The following ARHGAP24 variants were observed in gnomAD, a reference collection of about 807,000 sequenced individuals.
The protein encoded by ARHGAP24 is rho GTPase-activating protein 24.
Under a neutral mutation model 76.4 loss-of-function variants are expected in ARHGAP24, and 50 were observed. The ratio of observed to expected loss-of-function variants is 0.65; its 90% confidence interval spans 0.52 to 0.83. ARHGAP24 has a LOEUF of 0.83. Ranked by LOEUF, ARHGAP24 falls within the 40% of genes least tolerant of loss-of-function variation. The probability of loss-of-function intolerance (pLI) is 0.00; values close to 1 mark genes in which losing one functional copy is unlikely to be tolerated. For synonymous variants in ARHGAP24, 345 were observed against 323.3 expected (o/e 1.07, Z -0.72); for missense variants, 930 against 914.2 (o/e 1.02, Z -0.22).
chr4:85,561,681 T>C (rs1340643954), intron 1 of ARHGAP24, among the ~76,000 whole-genome samples: 2 of 152,246 alleles, frequency 1.3e-5, no homozygotes, highest in Non-Finnish European at 2.9e-5. Context: ...TATATTTTTT[T>C]ACCATTTTAT....
intron 3 of ARHGAP24, among the ~76,000 whole-genome samples, chr4:85,780,081 G>A (rs1727475208): frequency 6.6e-6 from 1 of 152,116 alleles, no homozygotes; most frequent in Admixed American, 6.6e-5. Context: ...ACATATTATA[G>A]AATTTTTCTA....
At chr4:85,900,272 T>C (rs188211631) in intron 3 of ARHGAP24, among the ~76,000 whole-genome samples, 3 of 152,340 alleles carry the variant, frequency 2.0e-5, no homozygotes, top group Admixed American at 2.0e-4. Context: ...CCCACCACTA[T>C]TCAGGGAGTA....
At chr4:85,754,427 A>G (rs139314151) in intron 3 of ARHGAP24, among the ~76,000 whole-genome samples, 78 of 152,344 alleles carry the variant, frequency 5.1e-4, no homozygotes, top group African/African-American at 1.9e-3. Flanking sequence ...TGAAATTTCA[A>G]TTAGTAACTC....
chr4:85,895,371 C>T (rs978010186), intron 3 of ARHGAP24, among the ~76,000 whole-genome samples: 1 of 152,154 alleles, frequency 6.6e-6, no homozygotes, highest in African/African-American at 2.4e-5. Flanking sequence ...TTTATCTACA[C>T]TATGGCCAGT....
chr4:85,954,682 C>T (rs1737808665), intron 5 of ARHGAP24, among the ~76,000 whole-genome samples: 1 of 152,186 alleles, frequency 6.6e-6, no homozygotes. Flanking sequence ...ATTGGAAGAT[C>T]CTTGCTTGTT....
intron 2 of ARHGAP24, among the ~76,000 whole-genome samples, chr4:85,607,414 G>C (rs1018430568): frequency 4.0e-5 from 6 of 151,802 alleles, no homozygotes; most frequent in Non-Finnish European, 7.4e-5. Flanking sequence ...GAGAGAAAGA[G>C]AGAAAAAGAG....
chr4:85,875,989 G>A (rs1468039858), intron 3 of ARHGAP24, among the ~76,000 whole-genome samples: 1 of 151,758 alleles, frequency 6.6e-6, no homozygotes, highest in Non-Finnish European at 1.5e-5. Flanking sequence ...GTGATCCACC[G>A]GCCTCAGCCT....
intron 2 of ARHGAP24, among the ~76,000 whole-genome samples, chr4:85,633,943 G>C (rs977680571): frequency 6.6e-6 from 1 of 151,754 alleles, no homozygotes; most frequent in South Asian, 2.1e-4. Flanking sequence ...AAAGTCTTTA[G>C]TTGTGTCCAC....
rs28564276 is a variant in ARHGAP24 at position 85,721,415 on chromosome 4, A to G, written c.181-470A>G. On this transcript the variant is annotated intron_variant, in intron 2 of 9. Transcript: ENST00000395184. ...CATCTCAAAAAACAAACAAAAAAAA[A>G]AAAGAAAAGGAAAAGAAAGAAAAGG... 3.9e-5 allele frequency among the ~76,000 whole-genome samples: 6 copies of G among 152,102 alleles called. No homozygotes were observed. In the South Asian group the frequency reaches 6.2e-4, roughly 16 times the overall value.
At chr4:85,549,949 CTACATAGTATTCCATGG>C (rs1726063986) in intron 1 of ARHGAP24, among the ~76,000 whole-genome samples, 1 of 152,176 alleles carries the variant, frequency 6.6e-6, no homozygotes, top group Non-Finnish European at 1.5e-5. Flanking sequence ...TTTTTTATGG[CTACATAGTATTCCATGG>C]TACATATGTA....
chr4:85,749,285 T>C (rs1726164190), intron 3 of ARHGAP24, among the ~76,000 whole-genome samples: 1 of 152,244 alleles, frequency 6.6e-6, no homozygotes, highest in South Asian at 2.1e-4. Context: ...TAGTTGTTGA[T>C]TGGAATTCAG....
intron 5 of ARHGAP24, among the ~76,000 whole-genome samples, chr4:85,968,178 G>A (rs754131736): frequency 2.0e-5 from 3 of 152,032 alleles, no homozygotes; most frequent in African/African-American, 4.8e-5. Flanking sequence ...ACAGCATCTC[G>A]TATCTCAGTG....
chr4:85,736,893 A>C (rs891472844), intron 3 of ARHGAP24, among the ~76,000 whole-genome samples: 1 of 152,182 alleles, frequency 6.6e-6, no homozygotes, highest in Non-Finnish European at 1.5e-5. Context: ...AAACTATCCC[A>C]CTAGTCTACC....
chr4:85,861,102 A>G (rs1731873935), intron 3 of ARHGAP24, among the ~76,000 whole-genome samples: 1 of 152,046 alleles, frequency 6.6e-6, no homozygotes, highest in African/African-American at 2.4e-5. Flanking sequence ...CCAGGACACA[A>G]AAAGGAAAGA....
intron 3 of ARHGAP24, among the ~76,000 whole-genome samples, chr4:85,839,477 A>T (rs935408171): frequency 1.3e-5 from 2 of 152,118 alleles, no homozygotes; most frequent in Admixed American, 1.3e-4. Context: ...TTTGAGATAG[A>T]GTCTCGCTCT....
At chr4:85,719,977 G>T (rs538165447) in intron 2 of ARHGAP24, among the ~76,000 whole-genome samples, 19 of 152,102 alleles carry the variant, frequency 1.2e-4, no homozygotes, top group Non-Finnish European at 2.4e-4. Context: ...CTGGATGATA[G>T]AAAGCCATAG....
intron 3 of ARHGAP24, among the ~76,000 whole-genome samples, chr4:85,748,382 A>T (rs1468968771): frequency 6.6e-6 from 1 of 152,250 alleles, no homozygotes; most frequent in Non-Finnish European, 1.5e-5. Context: ...GGCCAGAAAG[A>T]TAGTTAAATA....
chr4:85,877,867 AATATGCAGT>A (rs1214965827), intron 3 of ARHGAP24, among the ~76,000 whole-genome samples: 1 of 152,170 alleles, frequency 6.6e-6, no homozygotes, highest in Non-Finnish European at 1.5e-5. Flanking sequence ...TAATATACAA[AATATGCAGT>A]TCTGGGAATT....
At chr4:85,888,127 G>A (rs970906668) in intron 3 of ARHGAP24, among the ~76,000 whole-genome samples, 2 of 152,014 alleles carry the variant, frequency 1.3e-5, no homozygotes, top group East Asian at 3.9e-4. Flanking sequence ...TCTGTGCTGG[G>A]CGTGGTGGCT....
Sources: allele counts gnomAD v4.1 joint callset (sites outside exome capture counted in the v4.1 genomes callset), GRCh38; gene constraint gnomAD v4.1.1; transcripts MANE v1.5; gene names NCBI Gene and HGNC (gene_info 2026-07-23, HGNC 2026-07-21).